Variants in ST3GAL2 observed in about 807,000 individuals in gnomAD.
ST3GAL2 encodes ST3 beta-galactoside alpha-2,3-sialyltransferase 2.
ST3GAL2 carries 16 observed loss-of-function variants against 37.5 expected under a neutral mutation model. The ratio of observed to expected loss-of-function variants is 0.43; its 90% CI spans 0.29 to 0.65. The LOEUF is 0.65. Among genes scored for constraint, ST3GAL2 ranks in the 30% least tolerant of loss-of-function variants. ST3GAL2 has a pLI of 0.17. For missense variants in ST3GAL2, 383 were observed against 487.8 expected, an observed-to-expected ratio of 0.79 and a Z score of 2.02; for synonymous variants, 238 against 202.9, an observed-to-expected ratio of 1.17 and a Z score of -1.47.
intron 1 of ST3GAL2, among the ~76,000 whole-genome samples, chr16:70,428,255 G>C (rs1405520617): frequency 6.6e-6 from 1 of 152,236 alleles, no homozygotes; most frequent in African/African-American, 2.4e-5. Flanking sequence ...GCCAGGCAGG[G>C]GAAACCCAGC....
chr16:70,422,344 A>C (rs1373971083), intron 1 of ST3GAL2, among the ~76,000 whole-genome samples: 4 of 152,194 alleles, frequency 2.6e-5, no homozygotes, highest in Non-Finnish European at 4.4e-5. Context: ...CAGGGACGAG[A>C]GGTGACACTG....
chr16:70,419,392 C>T (rs1197979999), intron 1 of ST3GAL2, among the ~76,000 whole-genome samples: 5 of 152,198 alleles, frequency 3.3e-5, no homozygotes, highest in African/African-American at 4.8e-5. Flanking sequence ...AATCCAACCA[C>T]GAGCACTGCA....
intron 1 of ST3GAL2, among the ~76,000 whole-genome samples, chr16:70,403,588 C>G (rs552891173): frequency 2.0e-5 from 3 of 152,058 alleles, no homozygotes; most frequent in African/African-American, 7.2e-5. Flanking sequence ...CCGAGGCGGG[C>G]GGATCATGAG....
chr16:70,414,675 CTGTT>C lies in ST3GAL2; in HGVS notation c.-1003-15146_-1003-15143del, dbSNP rs1373815560. On this transcript the variant is annotated intron_variant, in intron 1 of 6. Coordinates refer to ENST00000342907, the MANE Select transcript of ST3GAL2 (RefSeq NM_006927.4). ...TACTTTTCATTTCCAGGCCAAGATT[CTGTT>C]TGTTTATTTTTGAGATAGAGTCTCA... is the stretch of plus-strand genomic sequence containing the variant. Among the ~76,000 whole-genome samples the C allele has an allele frequency of 1.1e-3, 161 of 151,150 alleles. 1 individual carries two copies. The highest frequency in any genetic ancestry group is 3.1e-3 in the African/African-American group (127 of 40,642).
intron 4 of ST3GAL2, among the ~76,000 whole-genome samples, chr16:70,385,333 A>C (rs2047434847): frequency 6.6e-6 from 1 of 152,044 alleles, no homozygotes; most frequent in Admixed American, 6.6e-5. Context: ...AAAAAAGAAT[A>C]GTTAAATCAT....
chr16:70,381,127 C>T lies in ST3GAL2; in HGVS notation c.*562G>A, dbSNP rs1288280969. 6.6e-6 allele frequency: 1 copy of T among 152,524 alleles called. No homozygotes were observed. Among genetic ancestry groups the T allele is most frequent in the Non-Finnish European group, 1.5e-5 (1 of 68,192 alleles). 9.4% of individuals were successfully genotyped at this position (152,524 alleles called of 1,614,324 possible). A position where few individuals can be genotyped will look rare whatever the true frequency, so the allele number is the denominator to read the frequency against. Reference sequence around the variant, plus strand: ...CAGGAAGCCCTGGGGGCGCAGCCATCCCACAGCGCGGCCGAGGTGGGACTG... The same window carrying T: ...CAGGAAGCCCTGGGGGCGCAGCCATTCCACAGCGCGGCCGAGGTGGGACTG... On this transcript the variant is annotated 3_prime_UTR_variant, in exon 7 of 7. Transcript: ENST00000342907.
At chr16:70,421,543 G>A (rs552396963) in intron 1 of ST3GAL2, among the ~76,000 whole-genome samples, 5 of 152,332 alleles carry the variant, frequency 3.3e-5, no homozygotes, top group Admixed American at 2.6e-4. Context: ...CACAGACCTT[G>A]GTCCATTACA....
intron 1 of ST3GAL2, among the ~76,000 whole-genome samples, chr16:70,425,163 A>AT (rs2047741431): frequency 6.6e-6 from 1 of 151,478 alleles, no homozygotes; most frequent in Non-Finnish European, 1.5e-5. Flanking sequence ...CCTGGGCAAC[A>AT]TAAAAAAAAA....
At chr16:70,426,453 G>A (rs2047752090) in intron 1 of ST3GAL2, among the ~76,000 whole-genome samples, 1 of 151,518 alleles carries the variant, frequency 6.6e-6, no homozygotes, top group Non-Finnish European at 1.5e-5. Flanking sequence ...GCCTGCCTCG[G>A]CCTCCCAAAG....
rs59060353 is a variant in ST3GAL2, at chr16:70,408,890, CAAAAAAAAAAAAAAAAAAA to C, written c.-1003-9376_-1003-9358del. Among the ~76,000 whole-genome samples the C allele has an allele frequency of 8.7e-3, 523 of 59,884 alleles. 2 individuals carry two copies. Among genetic ancestry groups the C allele is most frequent in the South Asian group, 0.024 (31 of 1,290 alleles). The allele number at this position is 59,884 out of a possible 152,430, so 39.3% of individuals were successfully genotyped here. ...TCCTGTAGGAGACAGCTCAAAGAAA[CAAAAAAAAAAAAAAAAAAA>C]AAAAAAAAAAAAAAAAAAGAAAGAA... On this transcript the variant is annotated intron_variant, in intron 1 of 6. Coordinates refer to ENST00000342907, the MANE Select transcript of ST3GAL2 (RefSeq NM_006927.4).
intron 2 of ST3GAL2, among the ~76,000 whole-genome samples, chr16:70,395,801 G>A (rs963877815): frequency 6.6e-6 from 1 of 152,196 alleles, no homozygotes. Context: ...CCACACAGGA[G>A]TGACATGGCA....
At chr16:70,424,187 G>GT (rs1286431977) in intron 1 of ST3GAL2, among the ~76,000 whole-genome samples, 4 of 149,136 alleles carry the variant, frequency 2.7e-5, no homozygotes, top group Admixed American at 2.7e-4. Context: ...TAGAGACGGG[G>GT]TTTCTCCATG....
chr16:70,407,064 A>C (rs1336877512), intron 1 of ST3GAL2, among the ~76,000 whole-genome samples: 1 of 151,628 alleles, frequency 6.6e-6, no homozygotes, highest in African/African-American at 2.4e-5. Flanking sequence ...AGATTTACAG[A>C]GAGACCAGAT....
Position 70,420,012 on chromosome 16 carries a change from C to CA in ST3GAL2, c.-1004+18936_-1004+18937insT, listed in dbSNP as rs923000048. On this transcript the variant is annotated intron_variant, in intron 1 of 6. Coordinates refer to ENST00000342907, the MANE Select transcript of ST3GAL2 (RefSeq NM_006927.4). The stretch of plus-strand genomic sequence containing the variant: ...AGGGACACCACAACTGACCATTTGA[C>CA]CCCCCCCTTCCCTTTTTTTTTTTTT... Among the ~76,000 whole-genome samples the CA allele has an allele frequency of 6.3e-3, 285 of 45,336 alleles. 3 individuals carry two copies. In the East Asian group the frequency reaches 0.092, roughly 15 times the overall value. The allele number at this position is 45,336 out of a possible 152,430, so 29.7% of individuals were successfully genotyped here.
intron 4 of ST3GAL2, among the ~76,000 whole-genome samples, chr16:70,387,706 T>C (rs192550997): frequency 6.6e-6 from 1 of 152,298 alleles, no homozygotes; most frequent in African/African-American, 2.4e-5. Context: ...AAAATATACT[T>C]GGTGAACTAG....
chr16:70,409,928 T>C (rs2047624693), intron 1 of ST3GAL2, among the ~76,000 whole-genome samples: 1 of 151,312 alleles, frequency 6.6e-6, no homozygotes, highest in Admixed American at 6.6e-5. Context: ...TGCACTACTT[T>C]TGTTGTTTTT....
At chr16:70,421,392 G>T (rs983667084) in intron 1 of ST3GAL2, among the ~76,000 whole-genome samples, 2 of 152,174 alleles carry the variant, frequency 1.3e-5, no homozygotes, top group African/African-American at 4.8e-5. Context: ...GGCCCTCCTC[G>T]GTCCCTGCTG....
chr16:70,406,294 A>C (rs1398677890), intron 1 of ST3GAL2, among the ~76,000 whole-genome samples: 1 of 151,700 alleles, frequency 6.6e-6, no homozygotes, highest in Admixed American at 6.6e-5. Context: ...AAATAACAAA[A>C]CTTAGCTGTG....
rs962056397 is a variant in ST3GAL2, at chr16:70,428,372, T to A, written c.-1004+10577A>T. On this transcript the variant is annotated intron_variant, in intron 1 of 6. Coordinates refer to ENST00000342907, the MANE Select transcript of ST3GAL2 (RefSeq NM_006927.4). ...GGCCAGCTAAGAGAAGGCAGCTATC[T>A]GGGATTACAAAACTCAAGGAGTCTA... is the stretch of plus-strand genomic sequence containing the variant. Among the ~76,000 whole-genome samples, 4 of 152,374 alleles carry A rather than the reference T, an allele frequency of 2.6e-5. No individual in the cohort carries two copies. In the East Asian group the frequency reaches 5.8e-4, roughly 22 times the overall value.
Sources: allele counts gnomAD v4.1 joint callset (sites outside exome capture counted in the v4.1 genomes callset), GRCh38; gene constraint gnomAD v4.1.1; transcripts MANE v1.5; gene names NCBI Gene and HGNC (gene_info 2026-07-23, HGNC 2026-07-21).